SHANK2: variants seen among roughly 807,000 people sequenced by gnomAD.
The protein encoded by SHANK2 is SH3 and multiple ankyrin repeat domains 2.
In SHANK2, 43 loss-of-function variants were observed where a neutral mutation model predicts 133.7. The observed-to-expected ratio is 0.32, with a 90% CI of 0.25 to 0.41. The LOEUF (loss-of-function observed/expected upper bound fraction) is 0.41. Among genes scored for constraint, SHANK2 ranks in the 10% least tolerant of loss-of-function variants. The pLI is 1.00. For missense variants in SHANK2, 1,994 were observed against 2,235.8 expected (o/e 0.89, Z 2.18); for synonymous variants, 1,017 against 952.8 (o/e 1.07, Z -1.24).
At chr11:70,928,606 T>TG (rs1256390282) in intron 10 of SHANK2, among the ~76,000 whole-genome samples, 10 of 151,814 alleles carry the variant, frequency 6.6e-5, no homozygotes, top group South Asian at 4.2e-4. Flanking sequence ...AGCAGATCCC[T>TG]GGGGGGGAAG....
intron 15 of SHANK2, among the ~76,000 whole-genome samples, chr11:70,677,079 T>G (rs1944917095): frequency 6.6e-6 from 1 of 152,096 alleles, no homozygotes; most frequent in East Asian, 1.9e-4. Context: ...GAGAAATCTC[T>G]AAAAAGCCAA....
intron 6 of SHANK2, among the ~76,000 whole-genome samples, chr11:71,103,847 TC>T (rs1368212631): frequency 1.6e-3 from 49 of 31,202 alleles, no homozygotes; most frequent in African/African-American, 2.6e-3. Flanking sequence ...CCTCCCTCCC[TC>T]CCCCCCTCCC....
chr11:70,736,552 T>C (rs1555033614), intron 14 of SHANK2, among the ~76,000 whole-genome samples: 4 of 152,120 alleles, frequency 2.6e-5, no homozygotes, highest in African/African-American at 4.8e-5. Context: ...CCACAGCCGA[T>C]GAATGCCTGG....
intron 10 of SHANK2, among the ~76,000 whole-genome samples, chr11:70,926,562 C>G (rs1950429967): frequency 6.6e-6 from 1 of 152,210 alleles, no homozygotes; most frequent in Non-Finnish European, 1.5e-5. Context: ...GAACCCCAGA[C>G]AGCACTGCAG....
intron 14 of SHANK2, among the ~76,000 whole-genome samples, chr11:70,784,323 G>A (rs919824344): frequency 6.4e-5 from 9 of 141,240 alleles, no homozygotes; most frequent in East Asian, 2.0e-4. Context: ...ACTACAGGGC[G>A]TGCGCCACCA....
intron 17 of SHANK2, among the ~76,000 whole-genome samples, chr11:70,627,030 TG>T (rs1490054276): frequency 2.0e-5 from 3 of 151,994 alleles, no homozygotes; most frequent in Non-Finnish European, 2.9e-5. Flanking sequence ...GAAGGTCAGA[TG>T]GGAGCCTGGA....
intron 12 of SHANK2, among the ~76,000 whole-genome samples, chr11:70,819,228 A>G (rs1464880428): frequency 1.3e-5 from 2 of 152,252 alleles, no homozygotes; most frequent in Non-Finnish European, 1.5e-5. Flanking sequence ...CAGATGCCAG[A>G]GCCAGGGGCC....
intron 2 of SHANK2, among the ~76,000 whole-genome samples, chr11:71,205,638 C>A (rs1444124753): frequency 6.6e-6 from 1 of 152,196 alleles, no homozygotes. Flanking sequence ...CAGGGAAGCA[C>A]CACACTTCCA....
rs569007764 is a variant in SHANK2 at position 71,220,088 on chromosome 11, C to T, written c.-13+4609G>A. ...TCTACAAAAAAATTTAAAAATTAGCCAGGCATGATGGCACATGCCTGTGGT... is the reference window on the plus strand; with the variant it reads ...TCTACAAAAAAATTTAAAAATTAGCTAGGCATGATGGCACATGCCTGTGGT... On this transcript the variant is annotated intron_variant, in intron 2 of 25. Coordinates refer to ENST00000601538, the MANE Select transcript of SHANK2 (RefSeq NM_012309.5). 2.2e-4 allele frequency among the ~76,000 whole-genome samples: 33 copies of T among 151,682 alleles called. No homozygotes were observed. In the South Asian group the frequency reaches 6.9e-3, roughly 32 times the overall value.
intron 14 of SHANK2, among the ~76,000 whole-genome samples, chr11:70,784,286 T>A (rs35244793): frequency 6.7e-6 from 1 of 149,144 alleles, no homozygotes; most frequent in Non-Finnish European, 1.5e-5. Context: ...AAGTGATTAT[T>A]GTGCCTCGGC....
chr11:71,078,758 T>C (rs1477823573), intron 8 of SHANK2, among the ~76,000 whole-genome samples: 2 of 152,194 alleles, frequency 1.3e-5, no homozygotes, highest in Non-Finnish European at 2.9e-5. Flanking sequence ...TTACCACCCT[T>C]TTCCTAGCAA....
intron 15 of SHANK2, among the ~76,000 whole-genome samples, chr11:70,665,951 C>T (rs1944671376): frequency 6.6e-6 from 1 of 152,156 alleles, no homozygotes; most frequent in African/African-American, 2.4e-5. Flanking sequence ...GGGGCAGTGA[C>T]CTCATCCTGC....
intron 14 of SHANK2, among the ~76,000 whole-genome samples, chr11:70,795,407 CTTTTTT>C (rs71049944): frequency 1.6e-4 from 20 of 128,448 alleles, no homozygotes; most frequent in African/African-American, 5.3e-4. Context: ...CTTTCTTTTT[CTTTTTT>C]TTTTTTTTTT....
intron 17 of SHANK2, among the ~76,000 whole-genome samples, chr11:70,537,212 CG>C (rs782368352): frequency 8.5e-5 from 13 of 152,262 alleles, no homozygotes; most frequent in Admixed American, 2.0e-4. Context: ...GCCTGAGAAG[CG>C]GAGGAGGGAA....
rs782236158 is a variant in SHANK2 at position 70,820,641 on chromosome 11, G to T, written c.1216C>A (p.Arg406=). The T allele has an allele frequency of 2.1e-5, 15 of 707,188 alleles. No homozygotes were observed. In the Admixed American group the frequency reaches 2.9e-4, roughly 13 times the overall value. The allele number at this position is 707,188 out of a possible 1,614,324, so 43.8% of individuals were successfully genotyped here. The change falls in exon 12 of 26, where the codon CGG becomes AGG. Residue 406 remains arginine, a synonymous_variant. Coordinates refer to ENST00000601538, the MANE Select transcript of SHANK2 (RefSeq NM_012309.5). The part of the protein sequence containing the change: ...EAPAYSNRRR[R]PPNTLAAPRV... The stretch of plus-strand genomic sequence containing the variant: ...GGGGCGGCCAGCGTGTTGGGGGGCC[G>T]CCGCCGGCGGTTGGAGTACGCCGGG...
At chr11:70,886,968 C>T (rs1949756570) in intron 11 of SHANK2, among the ~76,000 whole-genome samples, 2 of 152,170 alleles carry the variant, frequency 1.3e-5, no homozygotes, top group Admixed American at 1.3e-4. Context: ...GAAAACAAAC[C>T]TTGTTCGGTT....
intron 15 of SHANK2, among the ~76,000 whole-genome samples, chr11:70,679,733 G>T (rs2134377209): frequency 6.6e-6 from 1 of 152,362 alleles, no homozygotes; most frequent in Non-Finnish European, 1.5e-5. Context: ...GGTATCATGA[G>T]GATGTCTGTG....
intron 10 of SHANK2, among the ~76,000 whole-genome samples, chr11:70,913,874 A>G (rs1169981648): frequency 6.6e-6 from 1 of 152,208 alleles, no homozygotes; most frequent in Non-Finnish European, 1.5e-5. Context: ...CATTTGGAAA[A>G]CAACACTCAC....
intron 10 of SHANK2, among the ~76,000 whole-genome samples, chr11:70,930,196 G>C (rs1310981159): frequency 6.6e-6 from 1 of 152,188 alleles, no homozygotes; most frequent in Non-Finnish European, 1.5e-5. Flanking sequence ...TCTCTCCCTG[G>C]ATGAGGATCA....
Sources: allele counts gnomAD v4.1 joint callset (sites outside exome capture counted in the v4.1 genomes callset), GRCh38; gene constraint gnomAD v4.1.1; transcripts MANE v1.5; gene names NCBI Gene and HGNC (gene_info 2026-07-23, HGNC 2026-07-21).